Variants in ATP9B observed in about 807,000 individuals in gnomAD.
The protein encoded by ATP9B is ATPase phospholipid transporting 9B.
ATP9B carries 110 observed loss-of-function variants against 146.1 expected under a neutral mutation model. The observed-to-expected ratio is 0.75, with a 90% CI of 0.65 to 0.88. ATP9B has a LOEUF of 0.88. Among genes scored for constraint, ATP9B ranks in the 40% least tolerant of loss-of-function variants. The pLI is 0.00. For synonymous variants in ATP9B, 604 were observed against 569.7 expected, an observed-to-expected ratio of 1.06 and a Z score of -0.86; for missense variants, 1,499 against 1,496.4, an observed-to-expected ratio of 1.00 and a Z score of -0.03.
chr18:79,105,816 G>A (rs1316284181), intron 2 of ATP9B, among the ~76,000 whole-genome samples: 2 of 152,268 alleles, frequency 1.3e-5, no homozygotes, highest in East Asian at 3.9e-4. Flanking sequence ...CAACTAATCG[G>A]CAGACGTTGA....
chr18:79,169,962 C>T (rs1438550209), intron 7 of ATP9B, among the ~76,000 whole-genome samples: 2 of 152,184 alleles, frequency 1.3e-5, no homozygotes, highest in Non-Finnish European at 2.9e-5. Context: ...ACAAAATTAC[C>T]TTACGACTCC....
At chr18:79,125,238 A>T (rs938318017) in intron 4 of ATP9B, among the ~76,000 whole-genome samples, 1 of 152,042 alleles carries the variant, frequency 6.6e-6, no homozygotes, top group African/African-American at 2.4e-5. Context: ...GCTCATGATT[A>T]GGGGGAGAGC....
At chr18:79,312,857 A>G (rs1247918613) in intron 15 of ATP9B, among the ~76,000 whole-genome samples, 1 of 152,218 alleles carries the variant, frequency 6.6e-6, no homozygotes, top group Non-Finnish European at 1.5e-5. Flanking sequence ...TGTGAATCAC[A>G]TTGTCACTTC....
chr18:79,149,032 TAAGTA>T (rs144591734), intron 6 of ATP9B, among the ~76,000 whole-genome samples: 36,813 of 151,824 alleles, frequency 0.24, 7,010 homozygotes, highest in African/African-American at 0.54. Context: ...TAAGAAAACA[TAAGTA>T]AATAGACCCA....
intron 26 of ATP9B, chr18:79,364,224 C>T (rs1361939185): frequency 6.6e-6 from 1 of 150,672 alleles, no homozygotes; most frequent in Non-Finnish European, 1.5e-5. Context: ...CGAGATCGCG[C>T]CACTGCACTC....
At chr18:79,107,293 C>T (rs1337511942) in intron 2 of ATP9B, among the ~76,000 whole-genome samples, 1 of 152,130 alleles carries the variant, frequency 6.6e-6, no homozygotes, top group Non-Finnish European at 1.5e-5. Context: ...GCCAGGGTGC[C>T]CACTGAGCTC....
chr18:79,150,079 C>CA (rs200975052), intron 6 of ATP9B, among the ~76,000 whole-genome samples: 9,158 of 137,374 alleles, frequency 0.067, 353 homozygotes, highest in Non-Finnish European at 0.093. Context: ...GACTGTATCT[C>CA]AAAAAATAAA....
intron 8 of ATP9B, among the ~76,000 whole-genome samples, chr18:79,188,562 A>G (rs1392464617): frequency 2.0e-5 from 3 of 152,214 alleles, no homozygotes; most frequent in Admixed American, 1.3e-4. Context: ...AAAGCATTCT[A>G]TCAAATGGAA....
At chr18:79,372,916 A>G (rs1568863637) in intron 27 of ATP9B, 34 bp downstream of exon 27, 1 of 1,464,724 alleles carries the variant, frequency 6.8e-7, no homozygotes, top group South Asian at 1.2e-5. Context: ...TGGACTAAAG[A>G]TTTTTTTATT....
intron 11 of ATP9B, among the ~76,000 whole-genome samples, chr18:79,217,815 A>G (rs1172471077): frequency 3.9e-5 from 6 of 152,204 alleles, no homozygotes. Flanking sequence ...TTGGGCTTCA[A>G]AGAAGGCTGG....
chr18:79,302,544 T>C (rs1328802437), intron 13 of ATP9B, among the ~76,000 whole-genome samples: 1 of 152,252 alleles, frequency 6.6e-6, no homozygotes, highest in East Asian at 1.9e-4. Flanking sequence ...GCTACTTTGC[T>C]TCTATAAAGC....
At chr18:79,198,204 A>G (rs1205586507) in intron 9 of ATP9B, among the ~76,000 whole-genome samples, 2 of 152,250 alleles carry the variant, frequency 1.3e-5, no homozygotes, top group African/African-American at 4.8e-5. Context: ...GTTTAAAATT[A>G]GATGGTTTAA....
intron 5 of ATP9B, among the ~76,000 whole-genome samples, chr18:79,137,581 C>T (rs1324561469): frequency 6.6e-6 from 1 of 152,158 alleles, no homozygotes; most frequent in East Asian, 1.9e-4. Flanking sequence ...TAAACATGGG[C>T]ATTCTCTGTT....
At chr18:79,369,898 A>G (rs552204519) in intron 26 of ATP9B, among the ~76,000 whole-genome samples, 1 of 152,336 alleles carries the variant, frequency 6.6e-6, no homozygotes, top group Non-Finnish European at 1.5e-5. Flanking sequence ...CAGGAGTTCA[A>G]GACCATCCTG....
At chr18:79,144,090 G>T in intron 6 of ATP9B, 3 of 338,458 alleles carry the variant, frequency 8.9e-6, no homozygotes, top group Non-Finnish European at 5.3e-6. Context: ...AAATAAGATG[G>T]TTAACTGCTT....
intron 11 of ATP9B, among the ~76,000 whole-genome samples, chr18:79,231,778 G>GTATATATATATATA (rs781387419): frequency 1.6e-5 from 2 of 121,290 alleles, no homozygotes; most frequent in African/African-American, 6.6e-5. Context: ...GTGTGTGTGT[G>GTATATATATATATA]TATATATATA....
chr18:79,186,041 C>T (rs961225006), intron 8 of ATP9B, among the ~76,000 whole-genome samples: 1 of 152,148 alleles, frequency 6.6e-6, no homozygotes, highest in African/African-American at 2.4e-5. Context: ...TCTGGAGGCA[C>T]AGTTTTCAGG....
In ATP9B at chr18:79,307,147, C is replaced by T. The variant is rs753635074; in HGVS notation, c.1686C>T (p.Ala562=). The part of the protein sequence containing the change: ...HNVTPVYESR[A]GVTEETEFAE... ...TGACCCCCGTGTATGAGTCTCGGGC[C>T]GGCGTTACTGAGGAGACTGAGTTCG... The change falls in exon 15 of 30, where the codon GCC becomes GCT. Residue 562 remains alanine, a synonymous_variant. Transcript: ENST00000426216. The T allele has an allele frequency of 6.8e-6, 11 of 1,614,164 alleles. No individual in the cohort carries two copies. Among genetic ancestry groups the T allele is most frequent in the Admixed American group, 3.3e-5 (2 of 60,022 alleles).
intron 23 of ATP9B, 41 bp from the exon 24 acceptor site, chr18:79,347,729 G>T: frequency 6.7e-7 from 1 of 1,492,800 alleles, no homozygotes; most frequent in East Asian, 2.4e-5. Flanking sequence ...GATTTCCAGC[G>T]TCCGCCATGT....
Sources: gnomAD v4.1 joint callset for allele counts (sites outside exome capture counted in the v4.1 genomes callset) on GRCh38, gnomAD v4.1.1 for gene constraint, MANE v1.5 for transcripts, NCBI Gene and HGNC (gene_info 2026-07-23, HGNC 2026-07-21) for gene names.